CACNG2: variants seen among roughly 807,000 people sequenced by gnomAD.
The protein encoded by CACNG2 is voltage-dependent calcium channel gamma-2 subunit.
A neutral mutation model predicts 25.9 loss-of-function variants in CACNG2; 3 were observed. The observed-to-expected ratio is 0.12, with a 90% CI of 0.05 to 0.30. The LOEUF (loss-of-function observed/expected upper bound fraction) is 0.30, where lower values mean the gene tolerates loss of function less well. Ranked by LOEUF, CACNG2 falls within the 10% of genes least tolerant of loss-of-function variation. The pLI is 1.00. For synonymous variants in CACNG2, 167 were observed against 173.3 expected (o/e 0.96, Z 0.29); for missense variants, 341 against 432.5 (o/e 0.79, Z 1.88).
chr22:36,569,528 T>A (rs1289945362), intron 2 of CACNG2, among the ~76,000 whole-genome samples: 1 of 152,162 alleles, frequency 6.6e-6, no homozygotes, highest in African/African-American at 2.4e-5. Flanking sequence ...TATGGCCTGT[T>A]AGATGGTTTC....
chr22:36,625,150 T>C (rs764998510), intron 1 of CACNG2, among the ~76,000 whole-genome samples: 11 of 152,080 alleles, frequency 7.2e-5, no homozygotes, highest in Non-Finnish European at 1.5e-4. Flanking sequence ...CACCAGGCTT[T>C]GTGCAATCCC....
intron 1 of CACNG2, among the ~76,000 whole-genome samples, chr22:36,701,410 C>T (rs1937410116): frequency 6.6e-6 from 1 of 152,120 alleles, no homozygotes. Flanking sequence ...TCATCCATAG[C>T]GTGATCCCCC....
intron 1 of CACNG2, among the ~76,000 whole-genome samples, chr22:36,656,591 G>A (rs1936708730): frequency 6.6e-6 from 1 of 151,788 alleles, no homozygotes; most frequent in Non-Finnish European, 1.5e-5. Context: ...GCCAGAAAAT[G>A]ACTTTCCTCC....
chr22:36,669,294 G>A (rs1460142838), intron 1 of CACNG2, among the ~76,000 whole-genome samples: 1 of 151,728 alleles, frequency 6.6e-6, no homozygotes, highest in Non-Finnish European at 1.5e-5. Flanking sequence ...CTGAGGTCAG[G>A]AGTTTGAGAC....
At chr22:36,678,496 C>T (rs1243536722) in intron 1 of CACNG2, among the ~76,000 whole-genome samples, 2 of 152,024 alleles carry the variant, frequency 1.3e-5, no homozygotes, top group African/African-American at 4.8e-5. Flanking sequence ...GACCCAGTTC[C>T]CCCTTCTAAC....
intron 1 of CACNG2, among the ~76,000 whole-genome samples, chr22:36,603,960 G>T (rs1935794691): frequency 6.6e-6 from 1 of 152,146 alleles, no homozygotes; most frequent in Non-Finnish European, 1.5e-5. Flanking sequence ...CATTTCATAA[G>T]GCTATAGCTG....
chr22:36,645,155 T>TG (rs931369466), intron 1 of CACNG2, among the ~76,000 whole-genome samples: 2 of 152,196 alleles, frequency 1.3e-5, no homozygotes, highest in African/African-American at 2.4e-5. Flanking sequence ...GAGTCAGTGT[T>TG]GGGGGTTGTT....
At chr22:36,666,698 T>TA (rs949172995) in intron 1 of CACNG2, among the ~76,000 whole-genome samples, 2 of 151,176 alleles carry the variant, frequency 1.3e-5, no homozygotes, top group East Asian at 1.9e-4. Flanking sequence ...TTTACCACAA[T>TA]AAAAAAAATA....
rs1368937018 is a variant in CACNG2, at chr22:36,563,557, G to A, written c.*794C>T. ...AGGAGCATTAAGGACTGGGAACCTG[G>A]GGCCAGGCAAGCCCCAAGTGTACCC... On this transcript the variant is annotated 3_prime_UTR_variant, in exon 4 of 4. Coordinates refer to ENST00000300105, the MANE Select transcript of CACNG2 (RefSeq NM_006078.5). Among the ~76,000 whole-genome samples, 2 of 152,114 alleles carry A rather than the reference G, an allele frequency of 1.3e-5. No homozygotes were observed. The highest frequency in any genetic ancestry group is 4.8e-5 in the African/African-American group (2 of 41,422).
At chr22:36,666,549 T>C (rs1936877422) in intron 1 of CACNG2, among the ~76,000 whole-genome samples, 1 of 152,122 alleles carries the variant, frequency 6.6e-6, no homozygotes, top group South Asian at 2.1e-4. Context: ...CATTGTTTGC[T>C]TGGGACAAAG....
intron 1 of CACNG2, among the ~76,000 whole-genome samples, chr22:36,699,656 TG>T (rs905123885): frequency 1.6e-5 from 2 of 126,868 alleles, no homozygotes; most frequent in East Asian, 2.6e-4. Context: ...GGGTGGGGGG[TG>T]GGGGGATCTT....
At position 36,623,710 on chromosome 22, in the gene CACNG2, C is replaced by T. The variant is rs150930542; in HGVS notation, c.212-36162G>A. Among the ~76,000 whole-genome samples, 16 of 151,942 alleles carry T rather than the reference C, an allele frequency of 1.1e-4. No individual in the cohort carries two copies. The East Asian group carries it at 3.1e-3, about 29-fold the overall frequency. On this transcript the variant is annotated intron_variant, in intron 1 of 3. Coordinates refer to ENST00000300105, the MANE Select transcript of CACNG2 (RefSeq NM_006078.5). ...CTAGGGGGAATTGCTTAAAAACTGA[C>T]AATAATGATGATGATGATGACGATG... is the stretch of plus-strand genomic sequence containing the variant.
chr22:36,566,535 C>G, intron 2 of CACNG2, 42 bp from the exon 3 acceptor site: 1 of 1,611,456 alleles, frequency 6.2e-7, no homozygotes, highest in African/African-American at 1.3e-5. Context: ...AACGGCATGG[C>G]TGTGAGACTG....
rs187564738 is a variant in CACNG2, at chr22:36,660,601, G to T, written c.211+41765C>A. ...AGACGCTGCTACTTTCAGTGTGGTG[G>T]CCTTCCTTCCACCAGCCTGGCCCCC... On this transcript the variant is annotated intron_variant, in intron 1 of 3. Transcript: ENST00000300105. 1.4e-4 allele frequency among the ~76,000 whole-genome samples: 21 copies of T among 152,346 alleles called. No homozygotes were observed. The East Asian group carries it at 3.3e-3, about 24-fold the overall frequency.
chr22:36,652,797 C>T (rs951747724), intron 1 of CACNG2, among the ~76,000 whole-genome samples: 1 of 152,118 alleles, frequency 6.6e-6, no homozygotes, highest in Non-Finnish European at 1.5e-5. Flanking sequence ...GCAAGATACC[C>T]TGTGAGCAAT....
intron 1 of CACNG2, among the ~76,000 whole-genome samples, chr22:36,599,660 A>G (rs1935725685): frequency 6.6e-6 from 1 of 152,186 alleles, no homozygotes; most frequent in Non-Finnish European, 1.5e-5. Context: ...TGATCATGCT[A>G]CTGCACTCCA....
intron 2 of CACNG2, among the ~76,000 whole-genome samples, chr22:36,573,353 CAG>C (rs1415322394): frequency 6.6e-6 from 1 of 152,092 alleles, no homozygotes; most frequent in African/African-American, 2.4e-5. Flanking sequence ...TTTTTTGAGA[CAG>C]AGTCTTGCTC....
At chr22:36,668,140 C>G (rs1242467279) in intron 1 of CACNG2, among the ~76,000 whole-genome samples, 1 of 152,194 alleles carries the variant, frequency 6.6e-6, no homozygotes, top group Non-Finnish European at 1.5e-5. Context: ...GATGCCTCTG[C>G]CGGGCTCTCG....
intron 1 of CACNG2, among the ~76,000 whole-genome samples, chr22:36,672,610 T>G (rs1044482382): frequency 1.3e-5 from 2 of 152,208 alleles, no homozygotes; most frequent in Non-Finnish European, 2.9e-5. Context: ...CGGAGTGACC[T>G]TGAACCTGGG....
Sources: allele counts gnomAD v4.1 joint callset (sites outside exome capture counted in the v4.1 genomes callset), GRCh38; gene constraint gnomAD v4.1.1; transcripts MANE v1.5; gene names NCBI Gene and HGNC (gene_info 2026-07-23, HGNC 2026-07-21).